The following C12orf76 variants were observed in gnomAD, a reference collection of about 807,000 sequenced individuals.
The protein encoded by C12orf76 is chromosome 12 open reading frame 76.
Under a neutral mutation model 6.8 loss-of-function variants are expected in C12orf76, and 6 were observed. The ratio of observed to expected loss-of-function variants is 0.88; its 90% confidence interval spans 0.48 to 1.73. C12orf76 has a LOEUF of 1.73. C12orf76 is among the 40% of genes most tolerant of loss of function. The probability of loss-of-function intolerance (pLI) is 0.01; values close to 1 mark genes in which losing one functional copy is unlikely to be tolerated. For missense variants in C12orf76, 99 were observed against 98.2 expected, an observed-to-expected ratio of 1.01 and a Z score of -0.03; for synonymous variants, 56 against 43.7, an observed-to-expected ratio of 1.28 and a Z score of -1.11.
chr12:110,073,489 C>A, exon 1 of C12orf76: 1 of 521,784 alleles, frequency 1.9e-6, no homozygotes, highest in Non-Finnish European at 3.9e-6. Flanking sequence ...TGGATCCGGG[C>A]GACTTTGTTT....
At chr12:110,071,668 A>G (rs1236763189), upstream of C12orf76, among the ~76,000 whole-genome samples, 1 of 152,032 alleles carries the variant, frequency 6.6e-6, no homozygotes, top group African/African-American at 2.4e-5. Flanking sequence ...ATAGGTTGTC[A>G]TCATCATCAT....
chr12:110,065,437 C>T (rs541612229), intron 2 of C12orf76, among the ~76,000 whole-genome samples: 15 of 152,088 alleles, frequency 9.9e-5, no homozygotes, highest in African/African-American at 2.7e-4. Flanking sequence ...TCTCAAAGTG[C>T]GGGATTACTG....
intron 3 of C12orf76, among the ~76,000 whole-genome samples, chr12:110,058,090 A>G (rs1048443476): frequency 7.0e-6 from 1 of 142,522 alleles, no homozygotes; most frequent in East Asian, 2.0e-4. Context: ...AAAAAAAAAA[A>G]GAAGATCCCA....
chr12:110,072,261 TAA>T (rs1210182713), upstream of C12orf76, among the ~76,000 whole-genome samples: 30 of 124,292 alleles, frequency 2.4e-4, no homozygotes, highest in Admixed American at 3.3e-4. Flanking sequence ...ACCCCAAATC[TAA>T]AAAAAAAAAA....
chr12:110,069,395 A>G (rs1229386163), upstream of C12orf76, among the ~76,000 whole-genome samples: 1 of 152,040 alleles, frequency 6.6e-6, no homozygotes, highest in Non-Finnish European at 1.5e-5. Context: ...AGCCGAGATC[A>G]CACCATCGCA....
chr12:110,073,034 C>T (rs1395636777), intron 1 of C12orf76, among the ~76,000 whole-genome samples: 4 of 152,046 alleles, frequency 2.6e-5, no homozygotes, highest in Admixed American at 6.6e-5. Context: ...ATTTATAAAC[C>T]TGGTCCTATT....
chr12:110,061,782 C>T (rs1041570071), intron 2 of C12orf76, among the ~76,000 whole-genome samples: 7 of 151,702 alleles, frequency 4.6e-5, no homozygotes, highest in East Asian at 3.9e-4. Flanking sequence ...GTGATCCACC[C>T]GCCTCAGCCT....
chr12:110,062,037 G>A (rs550519637), intron 2 of C12orf76, among the ~76,000 whole-genome samples: 1 of 152,144 alleles, frequency 6.6e-6, no homozygotes, highest in African/African-American at 2.4e-5. Context: ...GCCGAGGTGG[G>A]TGGATCATTT....
chr12:110,055,214 C>CTTTT (rs1202961460), intron 4 of C12orf76, among the ~76,000 whole-genome samples: 1 of 133,534 alleles, frequency 7.5e-6, no homozygotes, highest in Non-Finnish European at 1.6e-5. Flanking sequence ...TGAGACGAAG[C>CTTTT]TTTTTTTTTT....
intron 3 of C12orf76, among the ~76,000 whole-genome samples, chr12:110,057,956 C>T (rs751300512): frequency 2.0e-5 from 3 of 147,824 alleles, no homozygotes; most frequent in Non-Finnish European, 4.5e-5. Flanking sequence ...CCCAGCTACT[C>T]GGGAGGCTGA....
upstream of C12orf76, among the ~76,000 whole-genome samples, chr12:110,068,330 A>AGAAGGC (rs1566080349): frequency 4.3e-5 from 5 of 116,770 alleles, no homozygotes; most frequent in East Asian, 2.0e-4. Context: ...AAGAAGAAGA[A>AGAAGGC]GGCGGCCAAA....
At chr12:110,043,790 G>A (rs529688027) in intron 1 of C12orf76, among the ~76,000 whole-genome samples, 244 of 152,038 alleles carry the variant, frequency 1.6e-3, no homozygotes, top group Non-Finnish European at 2.7e-3. Flanking sequence ...AGGAGGCAGA[G>A]GTTGCAGTGA....
intron 2 of C12orf76, among the ~76,000 whole-genome samples, chr12:110,063,201 A>G (rs894996864): frequency 2.0e-5 from 3 of 151,884 alleles, no homozygotes; most frequent in African/African-American, 7.3e-5. Flanking sequence ...CAGCCTCCCA[A>G]AGTGCTGGGG....
chr12:110,045,626 T>G (rs1197887913), intron 1 of C12orf76, among the ~76,000 whole-genome samples: 1 of 151,684 alleles, frequency 6.6e-6, no homozygotes, highest in Non-Finnish European at 1.5e-5. Flanking sequence ...AAAGCAGGAA[T>G]GCAGAAGATT....
exon 4 of C12orf76, chr12:110,057,254 G>A: frequency 6.2e-7 from 1 of 1,614,110 alleles, no homozygotes; most frequent in South Asian, 1.1e-5. Flanking sequence ...GCTCTGCAGG[G>A]AGGATGTGCC....
intron 1 of C12orf76, among the ~76,000 whole-genome samples, chr12:110,048,060 G>C (rs1892495151): frequency 6.6e-6 from 1 of 152,204 alleles, no homozygotes; most frequent in Non-Finnish European, 1.5e-5. Context: ...AATTAGCCAA[G>C]TGTGGTGGTG....
At position 110,043,739 on chromosome 12, in the gene C12orf76, C is replaced by A. The variant is rs1240020947; in HGVS notation, c.134-1280G>T. Among the ~76,000 whole-genome samples the A allele has an allele frequency of 3.3e-5, 5 of 151,872 alleles. No homozygotes were observed. The East Asian group carries it at 9.6e-4, about 29-fold the overall frequency. ...GTGTGGTGGTGTGTGCCTGTAGTCC[C>A]AACTACTCAGGAGGCTGAGGCAGGA... On this transcript the variant is annotated intron_variant, in intron 1 of 1. Transcript: ENST00000615315.
chr12:110,048,600 T>C, upstream of C12orf76: 1 of 1,317,942 alleles, frequency 7.6e-7, no homozygotes, highest in Non-Finnish European at 9.7e-7. Context: ...AGGGCGCGCG[T>C]CATTGCCATG....
At chr12:110,070,000 G>A (rs1352019562), upstream of C12orf76, among the ~76,000 whole-genome samples, 56 of 152,124 alleles carry the variant, frequency 3.7e-4, no homozygotes, top group Non-Finnish European at 8.8e-5. Flanking sequence ...TGTAATCCCA[G>A]CACTTTGGGA....
Sources: gnomAD v4.1 joint callset for allele counts (sites outside exome capture counted in the v4.1 genomes callset) on GRCh38, gnomAD v4.1.1 for gene constraint, MANE v1.5 for transcripts, NCBI Gene and HGNC (gene_info 2026-07-23, HGNC 2026-07-21) for gene names.